Variants in SLC16A4 observed in about 807,000 individuals in gnomAD.
The protein encoded by SLC16A4 is solute carrier family 16 member 4, also known as probable monocarboxylate transporter 5.
SLC16A4 carries 39 observed loss-of-function variants against 47.9 expected under a neutral mutation model. The observed-to-expected ratio is 0.81, with a 90% CI of 0.63 to 1.06. SLC16A4 has a LOEUF of 1.06. SLC16A4 is among the 50% of genes least tolerant of loss of function. The pLI, the probability that SLC16A4 is intolerant of heterozygous loss-of-function variation, is 0.00. For synonymous variants in SLC16A4, 189 were observed against 199.9 expected, an observed-to-expected ratio of 0.95 and a Z score of 0.46; for missense variants, 524 against 573.8, an observed-to-expected ratio of 0.91 and a Z score of 0.89.
chr1:110,381,739 C>A lies in SLC16A4; in HGVS notation c.277G>T (p.Gly93Trp), dbSNP rs371839957. ...TATCCACCAGTAACAACGAAAGCCC[C>A]AAGAATGGAGGTAGTTTTCTCTCCA... ...ILGEKTTSIL[G>W]AFVVTGGYLI... Residue 93 changes from glycine to tryptophan, a missense_variant, in exon 4 of 9, where the codon GGG (glycine) becomes TGG (tryptophan). Coordinates refer to ENST00000369779, the MANE Select transcript of SLC16A4 (RefSeq NM_004696.3). The A allele has an allele frequency of 1.9e-6, 3 of 1,613,418 alleles. No homozygotes were observed. Among genetic ancestry groups the A allele is most frequent in the Middle Eastern group, 1.6e-4 (1 of 6,080 alleles).
At chr1:110,390,562 A>G (rs960311873) in intron 1 of SLC16A4, among the ~76,000 whole-genome samples, 4 of 152,238 alleles carry the variant, frequency 2.6e-5, no homozygotes, top group Admixed American at 6.5e-5. Context: ...GAATATTCTT[A>G]GGAGATACAT....
chr1:110,384,190 T>C (rs954155363), intron 2 of SLC16A4, among the ~76,000 whole-genome samples: 1 of 152,214 alleles, frequency 6.6e-6, no homozygotes, highest in Non-Finnish European at 1.5e-5. Flanking sequence ...GAAAAGTGTT[T>C]GTCCAAAGAG....
At position 110,389,261 on chromosome 1, in the gene SLC16A4, C is replaced by T; in HGVS notation, c.63G>A (p.Trp21Ter). The T allele has an allele frequency of 6.2e-7, 1 of 1,613,904 alleles. No individual in the cohort carries two copies. Among genetic ancestry groups the T allele is most frequent in the African/African-American group, 1.3e-5 (1 of 75,050 alleles). ...YTKTLDGGWG[W>*]MIVIHFFLVN... is the part of the protein sequence containing the mutation. ...CCAGGAAAAAATGAATCACAATCAT[C>T]CATCCCCATCCTCCATCCAGGGTTT... is the stretch of plus-strand genomic sequence containing the variant. Residue 21 changes from tryptophan (W) to a stop codon, truncating the protein, a stop_gained, in exon 2 of 9, where the codon TGG (tryptophan) becomes TGA (stop). Transcript: ENST00000369779. LOFTEE classifies it high-confidence loss of function.
chr1:110,374,066 G>A (rs746143699), intron 8 of SLC16A4, among the ~76,000 whole-genome samples: 2 of 138,316 alleles, frequency 1.4e-5, no homozygotes, highest in Non-Finnish European at 3.3e-5. Context: ...ATGAAGTCTC[G>A]CTCTGTTGCC....
intron 8 of SLC16A4, among the ~76,000 whole-genome samples, chr1:110,374,000 C>T (rs1407952686): frequency 8.8e-6 from 1 of 113,664 alleles, no homozygotes; most frequent in Non-Finnish European, 2.1e-5. Flanking sequence ...TTCTTGTTAT[C>T]CTTAGTTTAT....
At chr1:110,389,446 T>G (rs1159047210) in intron 1 of SLC16A4, 91 bp from the exon 2 acceptor site, 2 of 821,320 alleles carry the variant, frequency 2.4e-6, no homozygotes, top group African/African-American at 3.5e-5. Flanking sequence ...TCATACATTG[T>G]TGGTGGGAAT....
chr1:110,372,502 A>G (rs949170992), intron 8 of SLC16A4: 12 of 152,266 alleles, frequency 7.9e-5, no homozygotes, highest in African/African-American at 2.4e-4. Context: ...CTGTACATCA[A>G]CATTTCTGAT....
At chr1:110,385,850 T>C (rs902318313) in intron 2 of SLC16A4, among the ~76,000 whole-genome samples, 2 of 152,240 alleles carry the variant, frequency 1.3e-5, no homozygotes, top group African/African-American at 4.8e-5. Context: ...ATTGAGGCAA[T>C]TTATAACCAT....
intron 8 of SLC16A4, among the ~76,000 whole-genome samples, chr1:110,367,922 G>A (rs776651250): frequency 1.1e-4 from 17 of 152,040 alleles, no homozygotes; most frequent in Non-Finnish European, 1.5e-4. Context: ...TCCGCCTCCC[G>A]GATTCACACC....
At chr1:110,380,639 G>T (rs1199844325) in intron 5 of SLC16A4, among the ~76,000 whole-genome samples, 2 of 28,744 alleles carry the variant, frequency 7.0e-5, no homozygotes, top group Non-Finnish European at 7.4e-5. Context: ...GGCGGGGGCG[G>T]GGGGGGAAGG....
At chr1:110,388,837 A>G (rs932116940) in intron 2 of SLC16A4, among the ~76,000 whole-genome samples, 6 of 152,166 alleles carry the variant, frequency 3.9e-5, no homozygotes, top group African/African-American at 9.7e-5. Flanking sequence ...CAGCCTCCCA[A>G]GTAGCTGGGA....
intron 8 of SLC16A4, 57 bp from the exon 9 acceptor site, chr1:110,363,950 AGCCATG>A: frequency 1.3e-6 from 2 of 1,555,768 alleles, no homozygotes; most frequent in Non-Finnish European, 1.7e-6. Flanking sequence ...AGTAACTCTC[AGCCATG>A]AATAGCTCCT....
In SLC16A4 at chr1:110,389,349, A is replaced by G. The variant is rs1662906570; in HGVS notation, c.-26T>C. The G allele has an allele frequency of 6.5e-7, 1 of 1,527,864 alleles. No individual in the cohort carries two copies. Among genetic ancestry groups the G allele is most frequent in the Admixed American group, 1.7e-5 (1 of 59,770 alleles). The allele number at this position is 1,527,864 out of a possible 1,614,324, so 94.6% of individuals were successfully genotyped here. On this transcript the variant is annotated 5_prime_UTR_variant, in exon 2 of 9. Coordinates refer to ENST00000369779, the MANE Select transcript of SLC16A4 (RefSeq NM_004696.3). Reference sequence around the variant, plus strand: ...GATGCCTCTTCTATTTTAAATGCAGAAGATCCCTGTGATAAATCCAAGACA... The same window carrying G: ...GATGCCTCTTCTATTTTAAATGCAGGAGATCCCTGTGATAAATCCAAGACA...
chr1:110,376,932 A>G lies in SLC16A4; in HGVS notation c.1242+18T>C. On this transcript the variant is annotated intron_variant, in intron 7 of 8. Coordinates refer to ENST00000369779, the MANE Select transcript of SLC16A4 (RefSeq NM_004696.3). Reference sequence around the variant, plus strand: ...TTTACTAAATGGTTTAACAATGTTAATGAGTGTGTCTACTCACCAGTACAG... The same window carrying G: ...TTTACTAAATGGTTTAACAATGTTAGTGAGTGTGTCTACTCACCAGTACAG... 6.3e-7 allele frequency: 1 copy of G among 1,598,670 alleles called. No individual in the cohort carries two copies. Among genetic ancestry groups the G allele is most frequent in the South Asian group, 1.1e-5 (1 of 90,154 alleles).
chr1:110,364,499 CTT>C (rs34416973), intron 8 of SLC16A4, among the ~76,000 whole-genome samples: 25,132 of 104,198 alleles, frequency 0.24, 1,370 homozygotes, highest in Non-Finnish European at 0.29. Context: ...AATCTAAATG[CTT>C]TTTTTTTTTT....
chr1:110,390,106 AT>A (rs919704966), intron 1 of SLC16A4, among the ~76,000 whole-genome samples: 4 of 151,672 alleles, frequency 2.6e-5, no homozygotes, highest in African/African-American at 4.8e-5. Context: ...ACCACTTGTA[AT>A]TTTTTTTTAA....
At chr1:110,378,490 C>G (rs1662145563) in intron 6 of SLC16A4, among the ~76,000 whole-genome samples, 1 of 152,232 alleles carries the variant, frequency 6.6e-6, no homozygotes, top group Non-Finnish European at 1.5e-5. Flanking sequence ...CCTTGAGCCA[C>G]TGCACTGTGC....
Position 110,363,648 on chromosome 1 carries a change from T to G in SLC16A4, c.*118A>C. ...CTCAAAAAAAAAAAAAAAAAAATTGTTTTCCTTCTCATGTTACAAATGTAG... is the reference window on the plus strand; with the variant it reads ...CTCAAAAAAAAAAAAAAAAAAATTGGTTTCCTTCTCATGTTACAAATGTAG... On this transcript the variant is annotated 3_prime_UTR_variant, in exon 9 of 9. Coordinates refer to ENST00000369779, the MANE Select transcript of SLC16A4 (RefSeq NM_004696.3). The G allele has an allele frequency of 9.6e-7, 1 of 1,042,028 alleles. No homozygotes were observed. Among genetic ancestry groups the G allele is most frequent in the Non-Finnish European group, 1.3e-6 (1 of 757,912 alleles). The allele number at this position is 1,042,028 out of a possible 1,614,324, so 64.5% of individuals were successfully genotyped here.
intron 1 of SLC16A4, among the ~76,000 whole-genome samples, chr1:110,389,870 G>A (rs1354929579): frequency 6.6e-6 from 1 of 152,104 alleles, no homozygotes; most frequent in East Asian, 1.9e-4. Flanking sequence ...ACATAAAGAG[G>A]GGAACCACAG....
Sources: allele counts gnomAD v4.1 joint callset (sites outside exome capture counted in the v4.1 genomes callset), GRCh38; gene constraint gnomAD v4.1.1; transcripts MANE v1.5; gene names NCBI Gene and HGNC (gene_info 2026-07-23, HGNC 2026-07-21).